Variants in DLG3 observed in about 807,000 individuals in gnomAD.
The protein encoded by DLG3 is disks large homolog 3.
DLG3 carries 1 observed loss-of-function variant against 64.1 expected under a neutral mutation model. The ratio of observed to expected loss-of-function variants is 0.02; its 90% CI spans 0.01 to 0.07. The LOEUF is 0.07. DLG3 is among the 10% of genes least tolerant of loss of function. DLG3 has a pLI of 1.00. For synonymous variants in DLG3, 245 were observed against 259.8 expected (o/e 0.94, Z 0.55); for missense variants, 429 against 669.5 (o/e 0.64, Z 3.96).
At chrX:70,446,753 C>T (rs893803210) in intron 1 of DLG3, among the ~76,000 whole-genome samples, 12 of 112,642 alleles carry the variant, frequency 1.1e-4, no homozygotes, top group African/African-American at 3.2e-4. Flanking sequence ...GCACGCAAGG[C>T]GGAGGGCCTG....
At chrX:70,472,724 A>G (rs982096212) in intron 9 of DLG3, among the ~76,000 whole-genome samples, 1 of 112,151 alleles carries the variant, frequency 8.9e-6, no homozygotes, top group African/African-American at 3.2e-5. Context: ...CTGTCAAGAA[A>G]CTTAAATGTA....
intron 14 of DLG3, 115 bp from the exon 15 acceptor site, chrX:70,499,061 C>A: frequency 1.9e-6 from 1 of 533,304 alleles, no homozygotes; most frequent in Non-Finnish European, 3.3e-6. Context: ...TCTGAGGATG[C>A]TTTACCCTGT....
rs2087610359 is a variant in DLG3, at chrX:70,503,899, A to T, written c.*1630A>T. 1 of 110,492 alleles carries T rather than the reference A, an allele frequency of 9.1e-6. No individual in the cohort carries two copies. The highest frequency in any genetic ancestry group is 9.7e-5 in the Admixed American group (1 of 10,300). 9.1% of individuals were successfully genotyped at this position (110,492 alleles called of 1,213,427 possible). A position where few individuals can be genotyped will look rare whatever the true frequency, so the allele number is the denominator to read the frequency against. ...CCTCCCTCGCCTCCATACTGGAGGG[A>T]CGACGCAGGGGAGAACAGAGAAGTG... is the stretch of plus-strand genomic sequence containing the variant. On this transcript the variant is annotated 3_prime_UTR_variant, in exon 19 of 19. Coordinates refer to ENST00000374360, the MANE Select transcript of DLG3 (RefSeq NM_021120.4).
chrX:70,501,413 C>CTGTCTGTGTGTGTGTGTGTGTG (rs1421730747), intron 18 of DLG3, among the ~76,000 whole-genome samples: 155 of 93,882 alleles, frequency 1.7e-3, no homozygotes, highest in Non-Finnish European at 2.6e-3. Context: ...GTCTGTCTGT[C>CTGTCTGTGTGTGTGTGTGTGTG]TGTGTGTGTG....
rs1460195796 is a variant in DLG3, at chrX:70,503,742, A to G, written c.*1473A>G. Reference sequence around the variant, plus strand: ...AAGATTCGCTTACTGGTGAGCTGTGAAACCTTGTTGCTTTTTCCCAGAGTC... The same window carrying G: ...AAGATTCGCTTACTGGTGAGCTGTGGAACCTTGTTGCTTTTTCCCAGAGTC... On this transcript the variant is annotated 3_prime_UTR_variant, in exon 19 of 19. Transcript: ENST00000374360. 8.9e-6 allele frequency: 1 copy of G among 111,770 alleles called. No individual in the cohort carries two copies. The highest frequency in any genetic ancestry group is 3.3e-5 in the African/African-American group (1 of 30,606). The allele number at this position is 111,770 out of a possible 1,213,427, so 9.2% of individuals were successfully genotyped here. A position where few individuals can be genotyped will look rare whatever the true frequency, so the allele number is the denominator to read the frequency against.
In DLG3 at chrX:70,468,182, G is replaced by A. The variant is rs1399505587; in HGVS notation, c.1406-10968G>A. 3.6e-5 allele frequency among the ~76,000 whole-genome samples: 4 copies of A among 111,549 alleles called. No individual in the cohort carries two copies. The South Asian group carries it at 1.1e-3, about 32-fold the overall frequency. ...CCTCCTGAGTTCAAGCGATTCTTGTGCTTCAGCCTCCTGAGTAGCTGGGAT... is the reference window on the plus strand; with the variant it reads ...CCTCCTGAGTTCAAGCGATTCTTGTACTTCAGCCTCCTGAGTAGCTGGGAT... On this transcript the variant is annotated intron_variant, in intron 9 of 18. Transcript: ENST00000374360.
At chrX:70,479,351 A>G in intron 10 of DLG3, 87 bp downstream of exon 10, 3 of 697,412 alleles carry the variant, frequency 4.3e-6, no homozygotes, top group East Asian at 3.2e-5. Flanking sequence ...CTAGTGGGCT[A>G]GGGAGTATGT....
intron 1 of DLG3, among the ~76,000 whole-genome samples, chrX:70,448,415 G>C (rs774519279): frequency 2.7e-5 from 3 of 112,610 alleles, no homozygotes; most frequent in African/African-American, 6.5e-5. Context: ...GATGATGTCT[G>C]CTGTCCTTCC....
intron 10 of DLG3, among the ~76,000 whole-genome samples, chrX:70,480,579 G>A (rs1378385401): frequency 8.9e-6 from 1 of 112,076 alleles, no homozygotes. Flanking sequence ...CCCCGGAAAG[G>A]AAAGTTTTGT....
intron 15 of DLG3, among the ~76,000 whole-genome samples, chrX:70,499,604 G>C (rs769975858): frequency 8.9e-6 from 1 of 111,822 alleles, no homozygotes; most frequent in South Asian, 3.8e-4. Context: ...CCTCTACCAA[G>C]TTTGGCACCC....
intron 4 of DLG3, 35 bp from the exon 5 acceptor site, chrX:70,450,133 GT>G: frequency 8.3e-7 from 1 of 1,209,318 alleles, no homozygotes; most frequent in Non-Finnish European, 1.1e-6. Flanking sequence ...ACCTCTCCTT[GT>G]GGCCCTCTCC....
intron 9 of DLG3, among the ~76,000 whole-genome samples, chrX:70,462,243 C>CTTTTTTTTT (rs141689653): frequency 1.3e-3 from 63 of 46,990 alleles, no homozygotes; most frequent in Non-Finnish European, 1.7e-3. Flanking sequence ...TTCTTTCTTT[C>CTTTTTTTTT]TTTTTTTTTT....
intron 13 of DLG3, among the ~76,000 whole-genome samples, chrX:70,498,300 TG>T (rs767734277): frequency 5.3e-5 from 6 of 112,655 alleles, no homozygotes; most frequent in Non-Finnish European, 1.1e-4. Flanking sequence ...CTTGGCCCTT[TG>T]CCCAGTGATA....
At chrX:70,470,225 T>G (rs1299392127) in intron 9 of DLG3, among the ~76,000 whole-genome samples, 3 of 111,310 alleles carry the variant, frequency 2.7e-5, no homozygotes, top group Non-Finnish European at 5.7e-5. Flanking sequence ...AGTGTCATCG[T>G]CATTTCTAAT....
chrX:70,462,243 C>CTTTTTTTTTTTTTTTTTT (rs141689653), intron 9 of DLG3, among the ~76,000 whole-genome samples: 1 of 46,984 alleles, frequency 2.1e-5, no homozygotes, highest in Non-Finnish European at 3.4e-5. Flanking sequence ...TTCTTTCTTT[C>CTTTTTTTTTTTTTTTTTT]TTTTTTTTTT....
chrX:70,501,044 T>C, intron 18 of DLG3, 55 bp downstream of exon 18: 1 of 900,167 alleles, frequency 1.1e-6, no homozygotes. Flanking sequence ...GGTACCTGTT[T>C]CTATAAGTGT....
chrX:70,461,397 C>T (rs1484245202), intron 9 of DLG3, among the ~76,000 whole-genome samples: 1 of 112,014 alleles, frequency 8.9e-6, no homozygotes, highest in East Asian at 2.8e-4. Flanking sequence ...TCTTGATTCT[C>T]TCTCTGTTTC....
In DLG3 at chrX:70,450,161, C is replaced by T; in HGVS notation, c.704-8C>T. ...GCCCTCTCCCACCTCCTGCTGGCTC[C>T]CGCTCAGGCCTGGGTTTCAGCATTG... On this transcript the variant is annotated splice_polypyrimidine_tract_variant and splice_region_variant and intron_variant, in intron 4 of 18. Coordinates refer to ENST00000374360, the MANE Select transcript of DLG3 (RefSeq NM_021120.4). The T allele has an allele frequency of 3.3e-6, 4 of 1,210,625 alleles. No individual in the cohort carries two copies. Among genetic ancestry groups the T allele is most frequent in the Non-Finnish European group, 4.5e-6 (4 of 894,865 alleles).
intron 12 of DLG3, among the ~76,000 whole-genome samples, chrX:70,495,082 A>G (rs1484165237): frequency 9.0e-6 from 1 of 111,714 alleles, no homozygotes; most frequent in African/African-American, 3.3e-5. Context: ...ATTGGCCTAC[A>G]GCTGTAGACA....
Sources: allele counts gnomAD v4.1 joint callset (sites outside exome capture counted in the v4.1 genomes callset), GRCh38; gene constraint gnomAD v4.1.1; transcripts MANE v1.5; gene names NCBI Gene and HGNC (gene_info 2026-07-23, HGNC 2026-07-21).